RALGPS2: variants seen among roughly 807,000 people sequenced by gnomAD.
RALGPS2 encodes ras-specific guanine nucleotide-releasing factor RalGPS2.
In RALGPS2, 43 loss-of-function variants were observed where a neutral mutation model predicts 86.8. The ratio of observed to expected loss-of-function variants is 0.50; its 90% CI spans 0.39 to 0.64. The LOEUF (loss-of-function observed/expected upper bound fraction) is 0.64. Among genes scored for constraint, RALGPS2 ranks in the 30% least tolerant of loss-of-function variants. The pLI, the probability that RALGPS2 is intolerant of heterozygous loss-of-function variation, is 0.00. For synonymous variants in RALGPS2, 243 were observed against 231.3 expected (o/e 1.05, Z -0.46); for missense variants, 536 against 694.6 (o/e 0.77, Z 2.57).
At chr1:178,787,928 T>G (rs1653744773) in intron 4 of RALGPS2, among the ~76,000 whole-genome samples, 1 of 152,260 alleles carries the variant, frequency 6.6e-6, no homozygotes. Context: ...GATCTGTTCA[T>G]GTGATCGCTC....
intron 1 of RALGPS2, among the ~76,000 whole-genome samples, chr1:178,765,984 C>T (rs1158774617): frequency 1.4e-4 from 22 of 152,198 alleles, no homozygotes; most frequent in Admixed American, 7.2e-4. Flanking sequence ...GTGCAGTTAA[C>T]GCAGTCATCA....
At chr1:178,746,908 G>T (rs1328981277) in intron 1 of RALGPS2, 1 of 1,101,868 alleles carries the variant, frequency 9.1e-7, no homozygotes, top group African/African-American at 1.5e-5. Context: ...TGTTCCTATT[G>T]TATTTTTCAG....
At chr1:178,830,257 A>G (rs1655953545) in intron 7 of RALGPS2, among the ~76,000 whole-genome samples, 1 of 152,160 alleles carries the variant, frequency 6.6e-6, no homozygotes, top group Non-Finnish European at 1.5e-5. Flanking sequence ...ATTTATATGG[A>G]AATTTAAAGG....
chr1:178,874,913 G>A (rs1057017177), intron 8 of RALGPS2, among the ~76,000 whole-genome samples: 8 of 152,128 alleles, frequency 5.3e-5, no homozygotes, highest in African/African-American at 1.9e-4. Flanking sequence ...ACCGTTCCCG[G>A]CAATAATTTT....
chr1:178,743,640 A>G (rs189659949), intron 1 of RALGPS2, among the ~76,000 whole-genome samples: 2 of 152,316 alleles, frequency 1.3e-5, no homozygotes, highest in Admixed American at 6.5e-5. Flanking sequence ...AACTGTGCTG[A>G]TTGAGATCAG....
At chr1:178,900,874 T>G (rs1011943308) in intron 17 of RALGPS2, among the ~76,000 whole-genome samples, 2 of 152,062 alleles carry the variant, frequency 1.3e-5, no homozygotes, top group African/African-American at 4.8e-5. Flanking sequence ...CATCCCTGTT[T>G]CTGAAGCAGT....
In RALGPS2 at chr1:178,846,134, A is replaced by T. The variant is rs896596841; in HGVS notation, c.607+12584A>T. Among the ~76,000 whole-genome samples, 3 of 152,220 alleles carry T rather than the reference A, an allele frequency of 2.0e-5. No individual in the cohort carries two copies. In the East Asian group the frequency reaches 5.8e-4, roughly 29 times the overall value. The stretch of plus-strand genomic sequence containing the variant: ...TTCATATTTCTATTCAGATAATTTC[A>T]ACAAAGTCCAAGTCTTTTTGCTGAT... On this transcript the variant is annotated intron_variant, in intron 8 of 19. Transcript: ENST00000367635.
Position 178,810,936 on chromosome 1 carries a change from ATAT to A in RALGPS2, c.298-375_298-373del, listed in dbSNP as rs1438503962. ...AAACTATTCAGAGTAGAGCATTATC[ATAT>A]TATATATCTAATCTGCCTTCTAATA... is the stretch of plus-strand genomic sequence containing the variant. On this transcript the variant is annotated intron_variant, in intron 5 of 19. Coordinates refer to ENST00000367635, the MANE Select transcript of RALGPS2 (RefSeq NM_152663.5). Among the ~76,000 whole-genome samples, 6 of 152,224 alleles carry A rather than the reference ATAT, an allele frequency of 3.9e-5. No individual in the cohort carries two copies. In the East Asian group the frequency reaches 9.6e-4, roughly 24 times the overall value.
At chr1:178,848,917 A>G (rs12118447) in intron 8 of RALGPS2, among the ~76,000 whole-genome samples, 13,572 of 152,220 alleles carry the variant, frequency 0.089, 661 homozygotes, top group African/African-American at 0.13. Flanking sequence ...GATGTGAGCC[A>G]CCACGCCTGG....
chr1:178,741,357 T>A (rs1273704894), intron 1 of RALGPS2, among the ~76,000 whole-genome samples: 2 of 152,214 alleles, frequency 1.3e-5, no homozygotes, highest in African/African-American at 4.8e-5. Context: ...AGAAATAGAA[T>A]TCAAACCCAG....
At chr1:178,771,075 G>A (rs536248894) in intron 1 of RALGPS2, among the ~76,000 whole-genome samples, 1 of 151,992 alleles carries the variant, frequency 6.6e-6, no homozygotes, top group South Asian at 2.1e-4. Context: ...CTGATCTCAG[G>A]TGATCCACCT....
intron 4 of RALGPS2, among the ~76,000 whole-genome samples, chr1:178,799,370 T>TG (rs201849160): frequency 2.6e-5 from 4 of 151,330 alleles, no homozygotes; most frequent in Non-Finnish European, 5.9e-5. Flanking sequence ...TGTCCTACTC[T>TG]GGAAAAAAAA....
intron 10 of RALGPS2, chr1:178,879,466 T>G (rs1659139614): frequency 6.5e-6 from 1 of 153,044 alleles, no homozygotes; most frequent in African/African-American, 2.4e-5. Flanking sequence ...AGCAGAATTA[T>G]CCTCTTCCCT....
chr1:178,897,528 A>C, intron 16 of RALGPS2, 136 bp from the exon 17 acceptor site: 2 of 658,910 alleles, frequency 3.0e-6, no homozygotes, highest in Non-Finnish European at 5.4e-6. Flanking sequence ...TTAAGATTTC[A>C]GAAGTGATAC....
At chr1:178,822,139 T>G (rs1655537565) in intron 7 of RALGPS2, among the ~76,000 whole-genome samples, 1 of 152,172 alleles carries the variant, frequency 6.6e-6, no homozygotes, top group Admixed American at 6.5e-5. Flanking sequence ...TTAAGTTTTT[T>G]CCTTAGGAAT....
chr1:178,873,254 C>G (rs1658850182), intron 8 of RALGPS2, among the ~76,000 whole-genome samples: 1 of 152,102 alleles, frequency 6.6e-6, no homozygotes, highest in African/African-American at 2.4e-5. Flanking sequence ...TAAAATTTAA[C>G]TGACAAATTA....
At position 178,916,540 on chromosome 1, in the gene RALGPS2, A is replaced by C. The variant is rs544848311; in HGVS notation, c.*181A>C. The C allele has an allele frequency of 1.7e-5, 10 of 582,174 alleles. No homozygotes were observed. In the South Asian group the frequency reaches 2.7e-4, roughly 16 times the overall value. The allele number at this position is 582,174 out of a possible 1,614,324, so 36.1% of individuals were successfully genotyped here. On this transcript the variant is annotated 3_prime_UTR_variant, in exon 20 of 20. Transcript: ENST00000367635. ...GAATGATTTGAGATATTCCCAGAGA[A>C]CAAATTGGAGTTGCAAAACAAACTG...
intron 8 of RALGPS2, among the ~76,000 whole-genome samples, chr1:178,842,723 A>G (rs1169606816): frequency 7.1e-4 from 106 of 148,364 alleles, no homozygotes; most frequent in African/African-American, 2.3e-3. Context: ...GCAACCTACA[A>G]AATGGGAGAA....
chr1:178,769,098 C>T (rs895881023), intron 1 of RALGPS2, among the ~76,000 whole-genome samples: 6 of 151,612 alleles, frequency 4.0e-5, no homozygotes, highest in Admixed American at 2.6e-4. Flanking sequence ...TGGGGCTGTT[C>T]AGGCTACCAA....
Sources: allele counts gnomAD v4.1 joint callset (sites outside exome capture counted in the v4.1 genomes callset), GRCh38; gene constraint gnomAD v4.1.1; transcripts MANE v1.5; gene names NCBI Gene and HGNC (gene_info 2026-07-23, HGNC 2026-07-21).